Variants in FNIP1 observed in about 807,000 individuals in gnomAD.
The protein encoded by FNIP1 is folliculin interacting protein 1.
In FNIP1, 40 loss-of-function variants were observed where a neutral mutation model predicts 124.5. The ratio of observed to expected loss-of-function variants is 0.32; its 90% confidence interval spans 0.25 to 0.42. The LOEUF (loss-of-function observed/expected upper bound fraction) is 0.42, where lower values mean the gene tolerates loss of function less well. FNIP1 is among the 10% of genes least tolerant of loss of function. The pLI is 1.00. For synonymous variants in FNIP1, 472 were observed against 470.6 expected (o/e 1.00, Z -0.04); for missense variants, 1,176 against 1,403.7 (o/e 0.84, Z 2.59).
rs1451555381 is a variant in FNIP1, at chr5:131,644,092, C to T, written c.*593G>A. 1 of 151,950 alleles carries T rather than the reference C, an allele frequency of 6.6e-6. No individual in the cohort carries two copies. The highest frequency in any genetic ancestry group is 2.4e-5 in the African/African-American group (1 of 41,374). 9.4% of individuals were successfully genotyped at this position (151,950 alleles called of 1,614,324 possible). A position where few individuals can be genotyped will look rare whatever the true frequency, so the allele number is the denominator to read the frequency against. Reference sequence around the variant, plus strand: ...TACCAGTCTTGTATTTCTATTTCTGCTTTTTAAAAAAAAATAGGTACATAT... The same window carrying T: ...TACCAGTCTTGTATTTCTATTTCTGTTTTTTAAAAAAAAATAGGTACATAT... On this transcript the variant is annotated 3_prime_UTR_variant, in exon 18 of 18. Coordinates refer to ENST00000510461, the MANE Select transcript of FNIP1 (RefSeq NM_133372.3).
chr5:131,712,621 G>A (rs1436897529), intron 6 of FNIP1, among the ~76,000 whole-genome samples: 1 of 152,112 alleles, frequency 6.6e-6, no homozygotes, highest in South Asian at 2.1e-4. Context: ...TAATTTTTTG[G>A]AGGCCTGTAA....
intron 1 of FNIP1, among the ~76,000 whole-genome samples, chr5:131,751,010 A>G (rs977986385): frequency 2.5e-4 from 38 of 152,182 alleles, no homozygotes; most frequent in Non-Finnish European, 3.2e-4. Context: ...CAGTGATGCC[A>G]TTTCATTTAG....
At chr5:131,753,706 C>G (rs549911263) in intron 1 of FNIP1, among the ~76,000 whole-genome samples, 2 of 152,134 alleles carry the variant, frequency 1.3e-5, no homozygotes, top group East Asian at 3.9e-4. Flanking sequence ...ATAAATTATA[C>G]ATTTTATTAT....
At chr5:131,794,080 A>C (rs916955274) in intron 1 of FNIP1, among the ~76,000 whole-genome samples, 3 of 151,954 alleles carry the variant, frequency 2.0e-5, no homozygotes, top group African/African-American at 4.8e-5. Context: ...CTGTAATTAC[A>C]GCACTTTGGG....
At position 131,647,025 on chromosome 5, in the gene FNIP1, AGGAAAATTCCTTGCCTGAT is replaced by A; in HGVS notation, c.3422+46_3422+64del. 3 of 1,401,632 alleles carry A rather than the reference AGGAAAATTCCTTGCCTGAT, an allele frequency of 2.1e-6. No individual in the cohort carries two copies. In the South Asian group the frequency reaches 3.5e-5, roughly 16 times the overall value. The allele number at this position is 1,401,632 out of a possible 1,614,324, so 86.8% of individuals were successfully genotyped here. ...CGTAAAAGGAAAAAGGGCAATTCTGAGGAAAATTCCTTGCCTGATGACAGGGCAATGAAAGCAAAGCCAA... is the reference window on the plus strand; with the variant it reads ...CGTAAAAGGAAAAAGGGCAATTCTGAGACAGGGCAATGAAAGCAAAGCCAA... On this transcript the variant is annotated intron_variant, in intron 17 of 17. Transcript: ENST00000510461.
chr5:131,669,049 C>T (rs1209153076), intron 15 of FNIP1, among the ~76,000 whole-genome samples: 1 of 152,100 alleles, frequency 6.6e-6, no homozygotes, highest in African/African-American at 2.4e-5. Flanking sequence ...CTTATAAAAA[C>T]TAAAAGGATT....
chr5:131,710,390 C>T (rs985962516), intron 7 of FNIP1, among the ~76,000 whole-genome samples, 188 bp downstream of exon 7: 2 of 152,078 alleles, frequency 1.3e-5, no homozygotes, highest in Admixed American at 6.6e-5. Context: ...ACTGATAATC[C>T]GGTGTCTGGA....
intron 1 of FNIP1, among the ~76,000 whole-genome samples, chr5:131,751,770 T>C (rs764435870): frequency 1.8e-4 from 28 of 152,146 alleles, no homozygotes; most frequent in Non-Finnish European, 2.9e-4. Flanking sequence ...AGGCTACGTA[T>C]GATGATTCCA....
At chr5:131,710,174 T>C (rs1451297702) in intron 7 of FNIP1, among the ~76,000 whole-genome samples, 1 of 141,804 alleles carries the variant, frequency 7.1e-6, no homozygotes. Flanking sequence ...TTTACAATAA[T>C]AACAAGATAG....
intron 1 of FNIP1, among the ~76,000 whole-genome samples, chr5:131,757,588 C>T (rs1771089864): frequency 6.8e-6 from 1 of 148,128 alleles, no homozygotes; most frequent in Admixed American, 6.7e-5. Context: ...GCAAAATAAA[C>T]ATTCCCTACT....
rs1770306258 is a variant in FNIP1 at position 131,736,404 on chromosome 5, C to A, written c.220-5366G>T. On this transcript the variant is annotated intron_variant, in intron 2 of 17. Coordinates refer to ENST00000510461, the MANE Select transcript of FNIP1 (RefSeq NM_133372.3). ...TCTGTTATCTACTTATAGACAAAAC[C>A]CAGTTGGCTTGACTTATCCACTATC... is the stretch of plus-strand genomic sequence containing the variant. Among the ~76,000 whole-genome samples the A allele has an allele frequency of 2.6e-5, 4 of 152,244 alleles. No homozygotes were observed. The South Asian group carries it at 8.3e-4, about 32-fold the overall frequency.
chr5:131,710,235 G>A (rs1207431415), intron 7 of FNIP1, among the ~76,000 whole-genome samples: 1 of 152,112 alleles, frequency 6.6e-6, no homozygotes, highest in Non-Finnish European at 1.5e-5. Context: ...CTCAGCCATG[G>A]AAACAAGACA....
chr5:131,697,913 G>A lies in FNIP1; in HGVS notation c.1202+1004C>T, dbSNP rs539785952. Among the ~76,000 whole-genome samples the A allele has an allele frequency of 5.2e-4, 75 of 143,592 alleles. 1 individual carries two copies. The highest frequency in any genetic ancestry group is 4.8e-4 in the Non-Finnish European group (32 of 66,924). 94.2% of individuals were successfully genotyped at this position (143,592 alleles called of 152,430 possible). Reference sequence around the variant, plus strand: ...GAACCCAGGAGGCAGAGGTTGCAGTGAGGCAAGATCACGCCACTGCACTCC... The same window carrying A: ...GAACCCAGGAGGCAGAGGTTGCAGTAAGGCAAGATCACGCCACTGCACTCC... On this transcript the variant is annotated intron_variant, in intron 11 of 17. Coordinates refer to ENST00000510461, the MANE Select transcript of FNIP1 (RefSeq NM_133372.3).
At chr5:131,741,103 T>C (rs1399989230) in intron 2 of FNIP1, among the ~76,000 whole-genome samples, 1 of 152,150 alleles carries the variant, frequency 6.6e-6, no homozygotes, top group Non-Finnish European at 1.5e-5. Context: ...CATTCTTTAT[T>C]CCTTTACTTT....
At chr5:131,705,263 A>G (rs1769063354) in intron 9 of FNIP1, among the ~76,000 whole-genome samples, 1 of 151,874 alleles carries the variant, frequency 6.6e-6, no homozygotes, top group African/African-American at 2.4e-5. Context: ...TCGAGCCCAG[A>G]AGTTCTACTA....
At chr5:131,718,146 C>T (rs1275070792) in intron 5 of FNIP1, among the ~76,000 whole-genome samples, 1 of 150,688 alleles carries the variant, frequency 6.6e-6, no homozygotes, top group Non-Finnish European at 1.5e-5. Flanking sequence ...GCTGAGATCA[C>T]GCCACTGCAC....
At chr5:131,725,385 G>A (rs906201515) in intron 3 of FNIP1, among the ~76,000 whole-genome samples, 2 of 152,090 alleles carry the variant, frequency 1.3e-5, no homozygotes, top group Non-Finnish European at 2.9e-5. Flanking sequence ...TTGAGCAGTG[G>A]TTTGTAGTTC....
intron 1 of FNIP1, among the ~76,000 whole-genome samples, chr5:131,791,597 G>T (rs1335086855): frequency 1.1e-4 from 16 of 152,246 alleles, no homozygotes; most frequent in Non-Finnish European, 2.4e-4. Context: ...ACCACATATT[G>T]CTGGGAAACC....
intron 1 of FNIP1, among the ~76,000 whole-genome samples, chr5:131,786,656 A>G (rs1772229532): frequency 6.6e-6 from 1 of 152,192 alleles, no homozygotes; most frequent in South Asian, 2.1e-4. Context: ...TTAAGAGGTG[A>G]TTAGGTTATG....
Sources: gnomAD v4.1 joint callset for allele counts (sites outside exome capture counted in the v4.1 genomes callset) on GRCh38, gnomAD v4.1.1 for gene constraint, MANE v1.5 for transcripts, NCBI Gene and HGNC (gene_info 2026-07-23, HGNC 2026-07-21) for gene names.